ZFHX3: variants seen among roughly 807,000 people sequenced by gnomAD.
The protein encoded by ZFHX3 is zinc finger homeobox protein 3.
Under a neutral mutation model 279.1 loss-of-function variants are expected in ZFHX3, and 42 were observed. The ratio of observed to expected loss-of-function variants is 0.15; its 90% CI spans 0.12 to 0.19. The LOEUF (loss-of-function observed/expected upper bound fraction) is 0.19, where lower values mean the gene tolerates loss of function less well. Ranked by LOEUF, ZFHX3 falls within the 10% of genes least tolerant of loss-of-function variation. ZFHX3 has a pLI of 1.00. For synonymous variants in ZFHX3, 2,293 were observed against 1,957.8 expected (o/e 1.17, Z -4.52); for missense variants, 4,981 against 4,754.0 (o/e 1.05, Z -1.40).
chr16:73,317,249 G>A (rs1381912100), intron 4 of ZFHX3, among the ~76,000 whole-genome samples: 1 of 139,176 alleles, frequency 7.2e-6, no homozygotes. Flanking sequence ...ATGTTCCAGG[G>A]CCGCTTTCCC....
intron 4 of ZFHX3, among the ~76,000 whole-genome samples, chr16:73,259,431 A>T (rs2013754092): frequency 6.6e-6 from 1 of 152,224 alleles, no homozygotes; most frequent in Non-Finnish European, 1.5e-5. Context: ...TATGTTCTTA[A>T]CCACTACTCT....
intron 5 of ZFHX3, among the ~76,000 whole-genome samples, chr16:73,193,487 A>G (rs1386968913): frequency 6.6e-6 from 1 of 152,120 alleles, no homozygotes; most frequent in Non-Finnish European, 1.5e-5. Context: ...GCACCAAGGA[A>G]CATGTTGACA....
At chr16:73,708,903 C>T (rs907829972) in intron 1 of ZFHX3, among the ~76,000 whole-genome samples, 7 of 152,148 alleles carry the variant, frequency 4.6e-5, no homozygotes, top group Admixed American at 1.3e-4. Flanking sequence ...CTGGACATGG[C>T]GCTCACTTTC....
intron 1 of ZFHX3, among the ~76,000 whole-genome samples, chr16:73,801,140 T>G (rs986382155): frequency 1.3e-5 from 2 of 152,238 alleles, no homozygotes; most frequent in African/African-American, 4.8e-5. Context: ...TTCAATTATA[T>G]AGCATATGTT....
intron 2 of ZFHX3, among the ~76,000 whole-genome samples, chr16:73,593,488 C>G (rs1297455243): frequency 3.3e-5 from 5 of 151,780 alleles, no homozygotes; most frequent in Non-Finnish European, 7.4e-5. Flanking sequence ...TTACAGCTGA[C>G]CCTCCATTTC....
intron 1 of ZFHX3, among the ~76,000 whole-genome samples, chr16:73,805,245 T>C (rs1668198305): frequency 6.6e-6 from 1 of 152,186 alleles, no homozygotes; most frequent in Admixed American, 6.5e-5. Context: ...CTCTGCTCAC[T>C]GTAACCTCCG....
At chr16:73,163,081 C>T (rs1419756575) in intron 5 of ZFHX3, among the ~76,000 whole-genome samples, 2 of 152,182 alleles carry the variant, frequency 1.3e-5, no homozygotes, top group Non-Finnish European at 2.9e-5. Context: ...GTCTTTGACA[C>T]ATAGATGGCC....
chr16:73,695,083 G>C (rs2386708), intron 1 of ZFHX3, among the ~76,000 whole-genome samples: 3 of 152,160 alleles, frequency 2.0e-5, no homozygotes, highest in Non-Finnish European at 4.4e-5. Flanking sequence ...GATTACAAAA[G>C]AGCTGTATAT....
Position 72,959,906 on chromosome 16 carries a change from G to C in ZFHX3, c.240C>G (p.Thr80=). 1 of 1,603,962 alleles carries C rather than the reference G, an allele frequency of 6.2e-7. No homozygotes were observed. The highest frequency in any genetic ancestry group is 8.5e-7 in the Non-Finnish European group (1 of 1,174,116). The stretch of plus-strand genomic sequence containing the variant: ...CAAAGGAGGCCGAACATTCGTTGCA[G>C]GTGACCTCCTTGCTGGCGGGCTCGG... The part of the protein sequence containing the change: ...PPSEPASKEV[T]CNECSASFAS... The change falls in exon 2 of 10, where the codon ACC becomes ACG. Residue 80 remains threonine, a synonymous_variant. Coordinates refer to ENST00000268489, the MANE Select transcript of ZFHX3 (RefSeq NM_006885.4).
intron 3 of ZFHX3, among the ~76,000 whole-genome samples, chr16:72,914,059 A>G (rs932536949): frequency 1.3e-5 from 2 of 152,250 alleles, no homozygotes; most frequent in African/African-American, 4.8e-5. Flanking sequence ...ATGAAGGGAC[A>G]GAGGCGGGAT....
At chr16:73,227,714 T>C (rs2012641285) in intron 5 of ZFHX3, among the ~76,000 whole-genome samples, 1 of 151,804 alleles carries the variant, frequency 6.6e-6, no homozygotes, top group African/African-American at 2.4e-5. Flanking sequence ...CCAGGTGTGA[T>C]GGTGTGAGCA....
intron 2 of ZFHX3, among the ~76,000 whole-genome samples, chr16:73,627,812 G>A (rs1004482892): frequency 3.9e-5 from 6 of 152,212 alleles, no homozygotes; most frequent in Admixed American, 3.9e-4. Flanking sequence ...CAGCTACTCA[G>A]GAGGCTGAGG....
At chr16:73,410,775 T>A (rs1288707082) in intron 3 of ZFHX3, among the ~76,000 whole-genome samples, 1 of 152,192 alleles carries the variant, frequency 6.6e-6, no homozygotes, top group Non-Finnish European at 1.5e-5. Flanking sequence ...GAATGAAGAA[T>A]CACAGCTTTT....
intron 2 of ZFHX3, among the ~76,000 whole-genome samples, chr16:73,585,360 G>T (rs2051914418): frequency 6.6e-6 from 1 of 152,206 alleles, no homozygotes; most frequent in African/African-American, 2.4e-5. Context: ...AGGTTGCAGT[G>T]AGCTGAGATG....
chr16:73,421,377 A>G (rs1397727290), intron 3 of ZFHX3: 2 of 152,222 alleles, frequency 1.3e-5, no homozygotes, highest in Non-Finnish European at 1.5e-5. Flanking sequence ...ATGTTTAAGT[A>G]AAGTGTGCTT....
intron 2 of ZFHX3, chr16:73,504,097 T>A (rs1390043952): frequency 6.6e-6 from 1 of 152,202 alleles, no homozygotes; most frequent in Non-Finnish European, 1.5e-5. Context: ...TAGCTACAGT[T>A]TTTTTATAAC....
rs745514311 is a variant in ZFHX3, at chr16:72,959,013, G to C, written c.1133C>G (p.Ala378Gly). 6.8e-6 allele frequency: 11 copies of C among 1,611,918 alleles called. No homozygotes were observed. The South Asian group carries it at 1.1e-4, about 16-fold the overall frequency. ...GCCAGCGGCGGAGCCCGCTGGGAGA[G>C]CTTCCTCCCCTTCCATTCGAATGCC... Reference protein sequence around the residue: ...FSGIRMEGEEALPAGSAAGPE... With the variant: ...FSGIRMEGEEGLPAGSAAGPE... The change falls in exon 2 of 10, where the codon GCT becomes GGT. Residue 378 changes from alanine to glycine, a missense_variant. Ala to Gly is a moderately conservative substitution (Grantham distance 60). Transcript: ENST00000268489.
intron 2 of ZFHX3, among the ~76,000 whole-genome samples, chr16:73,588,855 A>G (rs950962426): frequency 2.6e-5 from 4 of 152,098 alleles, no homozygotes; most frequent in Admixed American, 1.3e-4. Context: ...GGAGAGAGAA[A>G]GATTGAGAGA....
chr16:73,212,036 ACCC>A, intron 5 of ZFHX3, among the ~76,000 whole-genome samples: 1 of 152,262 alleles, frequency 6.6e-6, no homozygotes, highest in East Asian at 1.9e-4. Context: ...ACTGAAATTG[ACCC>A]TGAACATTAA....
Sources: gnomAD v4.1 joint callset for allele counts (sites outside exome capture counted in the v4.1 genomes callset) on GRCh38, gnomAD v4.1.1 for gene constraint, MANE v1.5 for transcripts, NCBI Gene and HGNC (gene_info 2026-07-23, HGNC 2026-07-21) for gene names.